Variants in KIN observed in about 807,000 individuals in gnomAD.
The protein encoded by KIN is Kin17 DNA and RNA binding protein.
KIN carries 47 observed loss-of-function variants against 63.0 expected under a neutral mutation model. The ratio of observed to expected loss-of-function variants is 0.75; its 90% confidence interval spans 0.59 to 0.95. The LOEUF is 0.95. Among genes scored for constraint, KIN ranks in the 40% least tolerant of loss-of-function variants. The pLI, the probability that KIN is intolerant of heterozygous loss-of-function variation, is 0.00. For missense variants in KIN, 408 were observed against 460.9 expected (o/e 0.89, Z 1.05); for synonymous variants, 160 against 157.7 (o/e 1.01, Z -0.11).
intron 7 of KIN, among the ~76,000 whole-genome samples, chr10:7,773,821 C>G (rs1369244445): frequency 6.6e-6 from 1 of 152,208 alleles, no homozygotes; most frequent in Non-Finnish European, 1.5e-5. Context: ...GTACTTGACT[C>G]TCTTGTCTTA....
In KIN at chr10:7,752,819, A is replaced by G. The variant is rs1347032516; in HGVS notation, c.*3261T>C. On this transcript the variant is annotated 3_prime_UTR_variant, in exon 13 of 13. Transcript: ENST00000379562. ...ATGTTCTACCAGGTGAAAGAAGCCA[A>G]TCTGAAAAAGCTACACCCTGTGTGA... The G allele has an allele frequency of 6.6e-6, 1 of 152,258 alleles. No individual in the cohort carries two copies. The highest frequency in any genetic ancestry group is 1.9e-4 in the East Asian group (1 of 5,206). 9.4% of individuals were successfully genotyped at this position (152,258 alleles called of 1,614,324 possible).
intron 10 of KIN, among the ~76,000 whole-genome samples, chr10:7,762,890 G>A (rs1445411010): frequency 1.3e-5 from 2 of 152,176 alleles, no homozygotes; most frequent in African/African-American, 2.4e-5. Flanking sequence ...ACAAGGCTGG[G>A]TGCTAGAATA....
At chr10:7,766,542 G>C (rs1011053255) in intron 8 of KIN, among the ~76,000 whole-genome samples, 1 of 151,972 alleles carries the variant, frequency 6.6e-6, no homozygotes, top group African/African-American at 2.4e-5. Flanking sequence ...GAAAATGACA[G>C]TAAAGCTCAT....
rs76691342 is a variant in KIN at position 7,753,498 on chromosome 10, T to A, written c.*2582A>T. ...GTCCAGGCTCAACTTCTTGGCTTCA[T>A]TTCTGGACATGACCACTCACTGCCA... On this transcript the variant is annotated 3_prime_UTR_variant, in exon 13 of 13. Transcript: ENST00000379562. 0.025 allele frequency: 3,751 copies of A among 152,378 alleles called. 206 individuals are homozygous for A. The highest frequency in any genetic ancestry group is 0.24 in the East Asian group (1,223 of 5,170). The allele number at this position is 152,378 out of a possible 1,614,324, so 9.4% of individuals were successfully genotyped here. A position where few individuals can be genotyped will look rare whatever the true frequency, so the allele number is the denominator to read the frequency against.
intron 12 of KIN, among the ~76,000 whole-genome samples, chr10:7,757,625 A>C (rs1281560206): frequency 6.6e-6 from 1 of 152,060 alleles, no homozygotes; most frequent in East Asian, 1.9e-4. Flanking sequence ...AATGATGATG[A>C]CTCTAACCCT....
In KIN at chr10:7,762,480, A is replaced by C; in HGVS notation, c.995T>G (p.Leu332Ter). The C allele has an allele frequency of 6.2e-7, 1 of 1,609,620 alleles. No homozygotes were observed. The highest frequency in any genetic ancestry group is 2.2e-5 in the East Asian group (1 of 44,844). The change falls in exon 11 of 13, where the codon TTA becomes TGA. Residue 332 changes from leucine to a stop codon, truncating the protein, a stop_gained. Transcript: ENST00000379562. LOFTEE classifies it high-confidence loss of function. Reference protein sequence around the residue: ...GDKLKLDQTHLETVIPAPGKR... With the variant: ...GDKLKLDQTH ...ACCTGGTGCTGGAATTACTGTCTCT[A>C]AATGAGTCTGGTCAAGTTTCAGCTT...
At chr10:7,777,224 T>C (rs1835797297) in intron 5 of KIN, among the ~76,000 whole-genome samples, 1 of 148,954 alleles carries the variant, frequency 6.7e-6, no homozygotes. Context: ...TATAAGGCAA[T>C]AAACTTTAGG....
rs781650990 is a variant in KIN at position 7,769,268 on chromosome 10, G to A, written c.746C>T (p.Thr249Ile). 4 of 1,613,568 alleles carry A rather than the reference G, an allele frequency of 2.5e-6. No homozygotes were observed. The highest frequency in any genetic ancestry group is 4.5e-5 in the East Asian group (2 of 44,856). The change falls in exon 8 of 13, where the codon ACT becomes ATT. Residue 249 changes from threonine to isoleucine, a missense_variant. By Grantham distance (89) the Thr-to-Ile change is moderately conservative (BLOSUM62 -1). This residue lies in a region of KIN where 298 missense variants were observed against 296.0 expected (regional missense o/e 1.01). Transcript: ENST00000379562. Reference sequence around the variant, plus strand: ...CTTTTTCTTCTTTTCTTTAGACTGAGTTGAGCTCTGGGAAGATTCTTTTCG... The same window carrying A: ...CTTTTTCTTCTTTTCTTTAGACTGAATTGAGCTCTGGGAAGATTCTTTTCG... ...VKRKESSQSS[T>I]QSKEKKKKKS...
chr10:7,776,147 G>A (rs570569318), intron 5 of KIN, among the ~76,000 whole-genome samples: 57 of 148,614 alleles, frequency 3.8e-4, no homozygotes, highest in African/African-American at 1.3e-3. Context: ...GGAGAATCAC[G>A]TGAACCCGGG....
intron 7 of KIN, among the ~76,000 whole-genome samples, chr10:7,773,289 CAGT>C (rs1431684445): frequency 6.6e-6 from 1 of 152,180 alleles, no homozygotes; most frequent in Non-Finnish European, 1.5e-5. Flanking sequence ...TTAAGCCACC[CAGT>C]TTGTGGTAAT....
chr10:7,756,717 A>G (rs1181911978), intron 12 of KIN, among the ~76,000 whole-genome samples: 1 of 151,744 alleles, frequency 6.6e-6, no homozygotes, highest in East Asian at 1.9e-4. Context: ...TGTTTGTGCC[A>G]TTGTCCATTT....
At chr10:7,758,763 GT>G (rs1288190868) in intron 12 of KIN, among the ~76,000 whole-genome samples, 2 of 152,006 alleles carry the variant, frequency 1.3e-5, no homozygotes, top group African/African-American at 4.8e-5. Flanking sequence ...TGCTGATAGA[GT>G]CAGAGAAAAT....
intron 1 of KIN, among the ~76,000 whole-genome samples, chr10:7,783,951 A>T (rs1779490757): frequency 6.6e-6 from 1 of 151,966 alleles, no homozygotes; most frequent in Non-Finnish European, 1.5e-5. Flanking sequence ...AGATTTCCAC[A>T]CTCGATTTTG....
chr10:7,785,220 C>T (rs1421044577), intron 1 of KIN, among the ~76,000 whole-genome samples: 1 of 147,308 alleles, frequency 6.8e-6, no homozygotes, highest in African/African-American at 2.5e-5. Context: ...CCACTGTACA[C>T]GAGCCTGGGC....
chr10:7,775,369 C>T (rs574746370), intron 6 of KIN, among the ~76,000 whole-genome samples: 26 of 152,294 alleles, frequency 1.7e-4, no homozygotes, highest in African/African-American at 6.3e-4. Flanking sequence ...AGTATCCTTG[C>T]TCTTAACAAG....
At chr10:7,756,754 A>G (rs1213253996) in intron 12 of KIN, among the ~76,000 whole-genome samples, 1 of 86,086 alleles carries the variant, frequency 1.2e-5, no homozygotes, top group Admixed American at 1.4e-4. Flanking sequence ...TATAGGAAAT[A>G]TCATTTTGTA....
At position 7,780,076 on chromosome 10, in the gene KIN, G is replaced by A; in HGVS notation, c.356C>T (p.Thr119Ile). ...ATQWETLTDFTKWLGREGLCK... is the reference protein window; with the variant it reads ...ATQWETLTDFIKWLGREGLCK... Reference sequence around the variant, plus strand: ...CTTACCTTCTCTGCCCAGCCACTTAGTAAAATCAGTCAGAGTTTCCCACTG... The same window carrying A: ...CTTACCTTCTCTGCCCAGCCACTTAATAAAATCAGTCAGAGTTTCCCACTG... Residue 119 changes from threonine (T) to isoleucine (I), a missense_variant, in exon 4 of 13, where the codon ACT (threonine) becomes ATT (isoleucine). Physicochemically the swap from Thr to Ile is moderately conservative, Grantham distance 89. This residue lies in a region of KIN where 110 missense variants were observed against 164.9 expected (regional missense o/e 0.67). Transcript: ENST00000379562. The A allele has an allele frequency of 6.2e-7, 1 of 1,612,406 alleles. No homozygotes were observed. The highest frequency in any genetic ancestry group is 8.5e-7 in the Non-Finnish European group (1 of 1,179,420).
At chr10:7,786,823 A>T (rs1836022342) in intron 1 of KIN, among the ~76,000 whole-genome samples, 1 of 152,226 alleles carries the variant, frequency 6.6e-6, no homozygotes, top group South Asian at 2.1e-4. Flanking sequence ...AGACTAAGAC[A>T]TTAGATAATG....
At chr10:7,760,455 T>C (rs1338477959) in intron 11 of KIN, among the ~76,000 whole-genome samples, 1 of 152,222 alleles carries the variant, frequency 6.6e-6, no homozygotes, top group African/African-American at 2.4e-5. Flanking sequence ...TGTACGTATA[T>C]GTTCACAGCA....
Sources: gnomAD v4.1 joint callset for allele counts (sites outside exome capture counted in the v4.1 genomes callset) on GRCh38, gnomAD v4.1.1 for gene constraint, gnomAD v4.1.1 regional missense constraint, MANE v1.5 for transcripts, NCBI Gene and HGNC (gene_info 2026-07-23, HGNC 2026-07-21) for gene names.